PRPF6: variants seen among roughly 807,000 people sequenced by gnomAD.
PRPF6 encodes pre-mRNA-processing factor 6.
A neutral mutation model predicts 118.3 loss-of-function variants in PRPF6; 42 were observed. The observed-to-expected ratio is 0.35, with a 90% CI of 0.28 to 0.46. PRPF6 has a LOEUF of 0.46. Ranked by LOEUF, PRPF6 falls within the 20% of genes least tolerant of loss-of-function variation. PRPF6 has a pLI of 1.00. For synonymous variants in PRPF6, 481 were observed against 485.1 expected (o/e 0.99, Z 0.11); for missense variants, 662 against 1,255.7 (o/e 0.53, Z 7.15).
intron 19 of PRPF6, among the ~76,000 whole-genome samples, chr20:64,030,585 C>T (rs1441134803): frequency 6.6e-6 from 1 of 152,176 alleles, no homozygotes; most frequent in Admixed American, 6.5e-5. Context: ...CTGCCTGGTG[C>T]TACCTTGGTC....
intron 6 of PRPF6, 58 bp from the exon 7 acceptor site, chr20:63,998,987 G>T: frequency 7.5e-7 from 1 of 1,333,344 alleles, no homozygotes; most frequent in South Asian, 1.2e-5. Flanking sequence ...GACCCTCTGA[G>T]AACTTTGTTT....
rs1015155474 is a variant in PRPF6, at chr20:64,026,421, G to A, written c.2028+363G>A. Among the ~76,000 whole-genome samples, 1 of 152,188 alleles carries A rather than the reference G, an allele frequency of 6.6e-6. No individual in the cohort carries two copies. Among genetic ancestry groups the A allele is most frequent in the African/African-American group, 2.4e-5 (1 of 41,432 alleles). On this transcript the variant is annotated intron_variant, in intron 15 of 20. Coordinates refer to ENST00000266079, the MANE Select transcript of PRPF6 (RefSeq NM_012469.4). This position sits in a 1 kb window ranked among gnomAD's most constrained non-coding sequence, Gnocchi z 4.4. ...CTCGGGAGGCTGAGGCAGGAGAATC[G>A]CTTGAACCCCGGGGGTGGAGGTTGC...
chr20:63,993,540 C>A, intron 4 of PRPF6, 55 bp downstream of exon 4: 1 of 1,424,188 alleles, frequency 7.0e-7, no homozygotes, highest in Non-Finnish European at 9.9e-7. Flanking sequence ...CACCCTAACC[C>A]GCAGAGACTC....
At chr20:64,032,139 G>A (rs763842389) in intron 20 of PRPF6, 95 bp downstream of exon 20, 22 of 1,582,132 alleles carry the variant, frequency 1.4e-5, no homozygotes, top group Non-Finnish European at 1.7e-5. Flanking sequence ...GCCACGGCCA[G>A]CGTGACTCTG....
chr20:63,996,072 C>G (rs1445540013), intron 6 of PRPF6, among the ~76,000 whole-genome samples: 3 of 152,066 alleles, frequency 2.0e-5, no homozygotes, highest in Non-Finnish European at 4.4e-5. Flanking sequence ...ACTAGGTGCT[C>G]TAGACACCAG....
intron 12 of PRPF6, among the ~76,000 whole-genome samples, chr20:64,017,496 C>T (rs565043871): frequency 3.3e-5 from 5 of 150,884 alleles, no homozygotes; most frequent in Admixed American, 2.0e-4. Flanking sequence ...CGTGAGCCGC[C>T]GCGCCCGGCC....
intron 8 of PRPF6, 131 bp from the exon 9 acceptor site, chr20:64,000,946 G>A: frequency 1.1e-6 from 1 of 914,332 alleles, no homozygotes; most frequent in Non-Finnish European, 1.7e-6. Context: ...GTGCAGGTGT[G>A]TTAGAGGCTG....
intron 3 of PRPF6, 114 bp downstream of exon 3, chr20:63,985,139 C>T (rs968106840): frequency 4.2e-5 from 33 of 794,910 alleles, no homozygotes; most frequent in African/African-American, 3.9e-4. Context: ...TGAGGTAGGA[C>T]GATAGCTAGA....
At chr20:64,022,678 T>C (rs2059271790) in intron 12 of PRPF6, 79 bp from the exon 13 acceptor site, 1 of 1,588,410 alleles carries the variant, frequency 6.3e-7, no homozygotes, top group South Asian at 1.1e-5. Context: ...CAGAATCGTA[T>C]GAGCCTGGGG....
rs765393381 is a variant in PRPF6, at chr20:64,025,922, C to T, written c.1909-17C>T. ...TGTGTTCTGACCCCTCTTGACGCTG[C>T]TGTACTTGCCCTTCAGGCCAACCCC... is the stretch of plus-strand genomic sequence containing the variant. On this transcript the variant is annotated splice_polypyrimidine_tract_variant and intron_variant, in intron 14 of 20. Transcript: ENST00000266079. 4.3e-6 allele frequency: 7 copies of T among 1,613,442 alleles called. No individual in the cohort carries two copies. The highest frequency in any genetic ancestry group is 2.2e-5 in the South Asian group (2 of 91,092).
In PRPF6 at chr20:64,021,840, CGT is replaced by C. The variant is rs1252051296; in HGVS notation, c.1648-912_1648-911del. Among the ~76,000 whole-genome samples, 3 of 68,524 alleles carry C rather than the reference CGT, an allele frequency of 4.4e-5. 1 individual carries two copies. The highest frequency in any genetic ancestry group is 5.0e-4 in the East Asian group (1 of 1,996). The allele number at this position is 68,524 out of a possible 152,430, so 45.0% of individuals were successfully genotyped here. ...CCTCGGCCACAGCCCTGTGTGTGTGCGTGTGTATGCGTGCATGTATGCATGTG... is the reference window on the plus strand; with the variant it reads ...CCTCGGCCACAGCCCTGTGTGTGTGCGTGTATGCGTGCATGTATGCATGTG... On this transcript the variant is annotated intron_variant, in intron 12 of 20. Transcript: ENST00000266079.
At chr20:64,032,768 A>G in intron 20 of PRPF6, 73 bp from the exon 21 acceptor site, 4 of 1,538,408 alleles carry the variant, frequency 2.6e-6, no homozygotes, top group Non-Finnish European at 3.5e-6. Flanking sequence ...TGCAGGGGCC[A>G]GGCGAGAAGC....
intron 13 of PRPF6, among the ~76,000 whole-genome samples, chr20:64,023,895 G>A (rs1039961529): frequency 3.3e-5 from 5 of 152,362 alleles, no homozygotes; most frequent in East Asian, 1.9e-4. Flanking sequence ...GCAGGGATGA[G>A]GAGAGGCAGT....
intron 8 of PRPF6, among the ~76,000 whole-genome samples, 176 bp downstream of exon 8, chr20:63,999,935 GA>G (rs1340569254): frequency 4.6e-5 from 7 of 150,728 alleles, no homozygotes; most frequent in African/African-American, 7.3e-5. Flanking sequence ...TTTTCATGTG[GA>G]GTGAAGGCTA....
At chr20:64,017,362 A>G (rs372115181) in intron 12 of PRPF6, among the ~76,000 whole-genome samples, 460 of 83,280 alleles carry the variant, frequency 5.5e-3, no homozygotes, top group African/African-American at 0.015. Context: ...GGCGTGAGCC[A>G]CCGCGCCCGG....
At chr20:64,006,724 A>C (rs1189696721) in intron 9 of PRPF6, among the ~76,000 whole-genome samples, 7 of 152,134 alleles carry the variant, frequency 4.6e-5, no homozygotes, top group Admixed American at 4.6e-4. Flanking sequence ...AGCCATTCAG[A>C]CATCACTGTT....
Position 63,999,620 on chromosome 20 carries a change from G to A in PRPF6, c.884G>A (p.Arg295Gln), listed in dbSNP as rs199917811. Residue 295 changes from arginine to glutamine, a missense_variant, in exon 8 of 21, where the codon CGA (arginine) becomes CAA (glutamine). By Grantham distance (43) the Arg-to-Gln change is conservative. Transcript: ENST00000266079. The stretch of plus-strand genomic sequence containing the variant: ...TCTCATAGTGATATCAAGAAGGCGC[G>A]ACTGCTCCTCAAGTCTGTTCGGGAG... ...GGDINDIKKA[R>Q]LLLKSVRETN... 7 of 1,614,108 alleles carry A rather than the reference G, an allele frequency of 4.3e-6. No homozygotes were observed. Among genetic ancestry groups the A allele is most frequent in the East Asian group, 2.2e-5 (1 of 44,874 alleles).
chr20:63,993,229 T>A (rs1259160631), intron 3 of PRPF6, among the ~76,000 whole-genome samples, 178 bp from the exon 4 acceptor site: 5 of 32,550 alleles, frequency 1.5e-4, no homozygotes, highest in African/African-American at 4.5e-4. Context: ...AAAAAAAATG[T>A]GTGTGTGTGT....
intron 20 of PRPF6, 141 bp downstream of exon 20, chr20:64,032,185 A>G: frequency 7.4e-7 from 1 of 1,358,712 alleles, no homozygotes; most frequent in African/African-American, 1.4e-5. Flanking sequence ...TGTGTGGGGC[A>G]CAGAATCCTC....
Sources: allele counts gnomAD v4.1 joint callset (sites outside exome capture counted in the v4.1 genomes callset), GRCh38; gene constraint gnomAD v4.1.1; non-coding constraint Gnocchi (gnomAD v3.1); transcripts MANE v1.5; gene names NCBI Gene and HGNC (gene_info 2026-07-23, HGNC 2026-07-21).